KIF6: variants seen among roughly 807,000 people sequenced by gnomAD.
The protein encoded by KIF6 is kinesin family member 6, also known as kinesin-like protein KIF6.
In KIF6, 106 loss-of-function variants were observed where a neutral mutation model predicts 112.7. The observed-to-expected ratio is 0.94, with a 90% CI of 0.80 to 1.11. KIF6 has a LOEUF of 1.11. Among genes scored for constraint, KIF6 ranks in the 50% least tolerant of loss-of-function variants. The pLI is 0.00. For synonymous variants in KIF6, 339 were observed against 339.9 expected (o/e 1.00, Z 0.03); for missense variants, 929 against 964.0 (o/e 0.96, Z 0.48).
Position 39,545,570 on chromosome 6 carries a change from C to CA in KIF6, c.1287+12dup. ...CTGAAAATGGCTTCTATTGGGGAAA[C>CA]ATTTAAGTTTACCTTTAAATGATGA... On this transcript the variant is annotated intron_variant, in intron 11 of 22. Coordinates refer to ENST00000287152, the MANE Select transcript of KIF6 (RefSeq NM_145027.6). 6.3e-7 allele frequency: 1 copy of CA among 1,594,408 alleles called. No homozygotes were observed. The highest frequency in any genetic ancestry group is 8.6e-7 in the Non-Finnish European group (1 of 1,163,650).
chr6:39,493,605 C>G (rs1167789048), intron 13 of KIF6, among the ~76,000 whole-genome samples: 1 of 152,154 alleles, frequency 6.6e-6, no homozygotes, highest in Non-Finnish European at 1.5e-5. Flanking sequence ...AACTATTGCC[C>G]TTGGCACAGT....
intron 15 of KIF6, among the ~76,000 whole-genome samples, chr6:39,386,225 G>A (rs1767408899): frequency 6.6e-6 from 1 of 152,204 alleles, no homozygotes; most frequent in African/African-American, 2.4e-5. Context: ...GGAGGTGATA[G>A]TTCCACTCTG....
chr6:39,586,707 A>G (rs1429220982), intron 7 of KIF6, among the ~76,000 whole-genome samples: 1 of 152,210 alleles, frequency 6.6e-6, no homozygotes, highest in Non-Finnish European at 1.5e-5. Flanking sequence ...GAAAATTTGT[A>G]TGAAAACACA....
intron 7 of KIF6, among the ~76,000 whole-genome samples, chr6:39,593,643 G>C (rs2150679365): frequency 6.6e-6 from 1 of 152,308 alleles, no homozygotes; most frequent in African/African-American, 2.4e-5. Flanking sequence ...CAGAGACCAA[G>C]GGGCAATGAC....
intron 5 of KIF6, among the ~76,000 whole-genome samples, chr6:39,624,638 C>A (rs1359949276): frequency 6.6e-6 from 1 of 152,154 alleles, no homozygotes; most frequent in African/African-American, 2.4e-5. Flanking sequence ...TATTTCACCT[C>A]TTAATGGCTG....
chr6:39,343,386 G>A lies in KIF6; in HGVS notation c.2428+323C>T. 1 of 1,333,950 alleles carries A rather than the reference G, an allele frequency of 7.5e-7. No individual in the cohort carries two copies. Among genetic ancestry groups the A allele is most frequent in the Non-Finnish European group, 9.8e-7 (1 of 1,018,144 alleles). The allele number at this position is 1,333,950 out of a possible 1,614,324, so 82.6% of individuals were successfully genotyped here. On this transcript the variant is annotated intron_variant, in intron 22 of 22. Transcript: ENST00000287152. This position sits in a 1 kb window ranked among gnomAD's most constrained non-coding sequence, Gnocchi z 4.1. ...AGCCCCTTCCTGTTTGTAGAAGCCT[G>A]AGCAGAGGAGACAGCTGACTTTGGG... is the stretch of plus-strand genomic sequence containing the variant.
rs541740326 is a variant in KIF6, at chr6:39,621,375, C to A, written c.510-8057G>T. On this transcript the variant is annotated intron_variant, in intron 5 of 22. Coordinates refer to ENST00000287152, the MANE Select transcript of KIF6 (RefSeq NM_145027.6). The stretch of plus-strand genomic sequence containing the variant: ...AACAGCTTTAAGGCTCTCATCATAC[C>A]TGGGAAGCCTATAGCACCCTCTGTG... 1.4e-3 allele frequency among the ~76,000 whole-genome samples: 207 copies of A among 152,282 alleles called. 1 individual carries two copies. The highest frequency in any genetic ancestry group is 2.7e-3 in the Non-Finnish European group (181 of 68,030).
intron 12 of KIF6, 127 bp downstream of exon 12, chr6:39,544,428 C>T: frequency 2.1e-6 from 2 of 954,746 alleles, no homozygotes; most frequent in Non-Finnish European, 1.5e-6. Flanking sequence ...TTTGACTTCT[C>T]AATGGAAAGA....
chr6:39,394,162 G>C (rs931827322), intron 15 of KIF6, among the ~76,000 whole-genome samples: 1 of 152,036 alleles, frequency 6.6e-6, no homozygotes, highest in Non-Finnish European at 1.5e-5. Flanking sequence ...GAGTGAATTG[G>C]GTAGGAGAGG....
At chr6:39,549,644 G>C (rs1582110442) in intron 10 of KIF6, among the ~76,000 whole-genome samples, 1 of 152,306 alleles carries the variant, frequency 6.6e-6, no homozygotes, top group East Asian at 1.9e-4. Flanking sequence ...CAAATAGGTG[G>C]ACGAAGAAGT....
At chr6:39,546,628 C>T (rs935047908) in intron 10 of KIF6, among the ~76,000 whole-genome samples, 2 of 152,212 alleles carry the variant, frequency 1.3e-5, no homozygotes, top group South Asian at 4.1e-4. Context: ...GAGTTCAAGA[C>T]CAGCCTGACC....
intron 6 of KIF6, among the ~76,000 whole-genome samples, chr6:39,600,379 G>A (rs1253355494): frequency 6.6e-6 from 1 of 152,148 alleles, no homozygotes; most frequent in Non-Finnish European, 1.5e-5. Flanking sequence ...AGACAAGAAG[G>A]AAAATAAGAC....
intron 10 of KIF6, among the ~76,000 whole-genome samples, chr6:39,558,783 C>T (rs1192403427): frequency 6.6e-6 from 1 of 152,152 alleles, no homozygotes; most frequent in Non-Finnish European, 1.5e-5. Context: ...AATGGAATTG[C>T]CATTTATGCC....
intron 9 of KIF6, among the ~76,000 whole-genome samples, chr6:39,582,808 C>T (rs1170093936): frequency 6.6e-6 from 1 of 152,162 alleles, no homozygotes; most frequent in African/African-American, 2.4e-5. Flanking sequence ...ATAGGAAATG[C>T]CACCCAAGTT....
At chr6:39,548,266 T>C (rs1395803277) in intron 10 of KIF6, among the ~76,000 whole-genome samples, 1 of 152,240 alleles carries the variant, frequency 6.6e-6, no homozygotes, top group Non-Finnish European at 1.5e-5. Context: ...ACAAGCCTGC[T>C]GATGAGCTGG....
chr6:39,686,003 T>A (rs150042884), intron 3 of KIF6, among the ~76,000 whole-genome samples: 6 of 152,350 alleles, frequency 3.9e-5, no homozygotes, highest in Admixed American at 3.3e-4. Context: ...TTTTAATGAC[T>A]TTTTTTGAAA....
At chr6:39,417,650 A>C (rs1480475620) in intron 15 of KIF6, among the ~76,000 whole-genome samples, 1 of 152,170 alleles carries the variant, frequency 6.6e-6, no homozygotes, top group East Asian at 1.9e-4. Context: ...CAACCTGCCT[A>C]ATCTTCAGAA....
At chr6:39,680,302 C>T (rs1787439922) in intron 3 of KIF6, among the ~76,000 whole-genome samples, 1 of 152,186 alleles carries the variant, frequency 6.6e-6, no homozygotes, top group African/African-American at 2.4e-5. Flanking sequence ...GCCACCATGC[C>T]CGGGTGTATA....
At chr6:39,719,654 T>A (rs1297746305) in intron 2 of KIF6, among the ~76,000 whole-genome samples, 6 of 152,146 alleles carry the variant, frequency 3.9e-5, no homozygotes, top group Admixed American at 3.3e-4. Flanking sequence ...AAGACCTAGC[T>A]ACAAAAAGAG....
Sources: gnomAD v4.1 joint callset for allele counts (sites outside exome capture counted in the v4.1 genomes callset) on GRCh38, gnomAD v4.1.1 for gene constraint, Gnocchi (gnomAD v3.1) non-coding constraint, MANE v1.5 for transcripts, NCBI Gene and HGNC (gene_info 2026-07-23, HGNC 2026-07-21) for gene names.